Variants in RHPN2 observed in about 807,000 individuals in gnomAD.
The protein encoded by RHPN2 is rhophilin-2.
A neutral mutation model predicts 79.0 loss-of-function variants in RHPN2; 40 were observed. The ratio of observed to expected loss-of-function variants is 0.51; its 90% confidence interval spans 0.39 to 0.66. The LOEUF is 0.66. Among genes scored for constraint, RHPN2 ranks in the 30% least tolerant of loss-of-function variants. The pLI, the probability that RHPN2 is intolerant of heterozygous loss-of-function variation, is 0.00. For missense variants in RHPN2, 686 were observed against 883.5 expected, an observed-to-expected ratio of 0.78 and a Z score of 2.83; for synonymous variants, 285 against 363.5, an observed-to-expected ratio of 0.78 and a Z score of 2.46.
intron 1 of RHPN2, among the ~76,000 whole-genome samples, chr19:33,058,210 C>T (rs1711676559): frequency 6.6e-6 from 1 of 152,156 alleles, no homozygotes; most frequent in African/African-American, 2.4e-5. Flanking sequence ...TGGCCGGAGC[C>T]ATCCCAACAA....
At chr19:33,028,524 A>T (rs2145251539) in intron 2 of RHPN2, among the ~76,000 whole-genome samples, 1 of 152,342 alleles carries the variant, frequency 6.6e-6, no homozygotes, top group Admixed American at 6.5e-5. Flanking sequence ...TCACAATAGC[A>T]TCAAAAAGAA....
At chr19:33,019,642 T>C (rs1405403172) in intron 4 of RHPN2, among the ~76,000 whole-genome samples, 1 of 151,860 alleles carries the variant, frequency 6.6e-6, no homozygotes, top group Non-Finnish European at 1.5e-5. Flanking sequence ...CACACGCCTA[T>C]AGTACCAGCT....
At chr19:33,057,948 T>C (rs191334329) in intron 1 of RHPN2, among the ~76,000 whole-genome samples, 4 of 151,810 alleles carry the variant, frequency 2.6e-5, no homozygotes, top group African/African-American at 9.7e-5. Flanking sequence ...TCACTTGAGG[T>C]CAGGAGTTCA....
intron 14 of RHPN2, 73 bp from the exon 15 acceptor site, chr19:32,980,329 C>T: frequency 6.3e-7 from 1 of 1,579,232 alleles, no homozygotes. Context: ...GAAGTTTGGC[C>T]AGGCGCGGTG....
chr19:32,991,675 C>G, intron 13 of RHPN2, 148 bp downstream of exon 13: 2 of 945,144 alleles, frequency 2.1e-6, no homozygotes, highest in Non-Finnish European at 3.3e-6. Context: ...AAAAGAAAGA[C>G]AGTAAAAATT....
intron 1 of RHPN2, among the ~76,000 whole-genome samples, chr19:33,054,674 C>T (rs969060303): frequency 3.0e-4 from 45 of 152,224 alleles, no homozygotes; most frequent in African/African-American, 1.0e-3. Context: ...AGACACCCAG[C>T]CTCTGGCTGA....
At chr19:33,064,501 C>T (rs1303668292) in intron 1 of RHPN2, among the ~76,000 whole-genome samples, 1 of 152,134 alleles carries the variant, frequency 6.6e-6, no homozygotes, top group Non-Finnish European at 1.5e-5. Context: ...GGGGGGAGAC[C>T]CAAGCACCCC....
chr19:33,011,752 A>G lies in RHPN2; in HGVS notation c.520T>C (p.Tyr174His). ...TCGACAAAGCCCAGCTGGATGAAGT[A>G]TGTCATCAGCAGTTCCACCCCGGCC... ...DEAGVELLMT[Y>H]FIQLGFVESR... Residue 174 changes from tyrosine to histidine, a missense_variant, in exon 6 of 15, where the codon TAC (tyrosine) becomes CAC (histidine). Coordinates refer to ENST00000254260, the MANE Select transcript of RHPN2 (RefSeq NM_033103.5). 1 of 1,613,960 alleles carries G rather than the reference A, an allele frequency of 6.2e-7. No homozygotes were observed. Among genetic ancestry groups the G allele is most frequent in the Non-Finnish European group, 8.5e-7 (1 of 1,179,862 alleles).
chr19:32,998,282 G>A (rs886637011), intron 10 of RHPN2, among the ~76,000 whole-genome samples: 1 of 152,164 alleles, frequency 6.6e-6, no homozygotes, highest in African/African-American at 2.4e-5. Context: ...GGATTAAAGT[G>A]GCCAGATTTG....
intron 1 of RHPN2, among the ~76,000 whole-genome samples, chr19:33,048,725 C>CAAAAAAAAAA (rs58396784): frequency 0.097 from 6,025 of 62,422 alleles, 896 homozygotes; most frequent in South Asian, 0.21. Context: ...GACTCAGTCT[C>CAAAAAAAAAA]AAAAAAAAAA....
In RHPN2 at chr19:33,002,926, G is replaced by C; in HGVS notation, c.835C>G (p.Leu279Val). 2 of 1,613,966 alleles carry C rather than the reference G, an allele frequency of 1.2e-6. No homozygotes were observed. The highest frequency in any genetic ancestry group is 1.7e-6 in the Non-Finnish European group (2 of 1,179,864). The change falls in exon 8 of 15, where the codon CTC becomes GTC. Residue 279 changes from leucine to valine, a missense_variant. By Grantham distance (32) the Leu-to-Val change is conservative (BLOSUM62 1). Transcript: ENST00000254260. ...GCTTGTGCAAGCATCATTTTGACGA[G>C]CACGCTGAGCATGGCAGGGCTCATG... is the stretch of plus-strand genomic sequence containing the variant. ...YDMSPAMLSV[L>V]VKMMLAQAQE... is the part of the protein sequence containing the mutation.
intron 2 of RHPN2, among the ~76,000 whole-genome samples, chr19:33,030,908 A>G (rs1356316780): frequency 6.6e-6 from 1 of 152,186 alleles, no homozygotes; most frequent in Admixed American, 6.6e-5. Context: ...CCAGTCACAC[A>G]TCCTGGGAGA....
At chr19:33,037,145 C>G (rs746451724) in intron 2 of RHPN2, among the ~76,000 whole-genome samples, 9 of 152,284 alleles carry the variant, frequency 5.9e-5, no homozygotes, top group African/African-American at 1.9e-4. Context: ...GTATCTAGCT[C>G]AAGGTTTGTA....
At chr19:33,007,964 C>T (rs922873523) in intron 7 of RHPN2, 50 bp downstream of exon 7, 22 of 1,605,390 alleles carry the variant, frequency 1.4e-5, no homozygotes, top group Admixed American at 1.7e-5. Flanking sequence ...TCCCCTGGTG[C>T]CACCGGGTGG....
At chr19:33,043,620 C>T (rs755361024) in intron 2 of RHPN2, among the ~76,000 whole-genome samples, 1 of 152,188 alleles carries the variant, frequency 6.6e-6, no homozygotes, top group African/African-American at 2.4e-5. Flanking sequence ...GAAGAAGAAA[C>T]TCTGCACTCT....
intron 2 of RHPN2, among the ~76,000 whole-genome samples, chr19:33,042,219 C>T (rs1039262687): frequency 4.0e-5 from 6 of 151,022 alleles, no homozygotes; most frequent in Non-Finnish European, 8.8e-5. Context: ...TCAATGAATC[C>T]ATGAATAGGT....
intron 2 of RHPN2, among the ~76,000 whole-genome samples, chr19:33,028,156 C>CTTTT (rs36036417): frequency 7.0e-6 from 1 of 142,050 alleles, no homozygotes; most frequent in Non-Finnish European, 1.5e-5. Flanking sequence ...AAAATCAATT[C>CTTTT]TTTTTTTTTT....
At chr19:33,059,424 G>A (rs569381086) in intron 1 of RHPN2, among the ~76,000 whole-genome samples, 85 of 150,966 alleles carry the variant, frequency 5.6e-4, no homozygotes, top group African/African-American at 1.8e-3. Context: ...TCAGCCTCCC[G>A]AGTAGCTGGG....
In RHPN2 at chr19:33,056,060, A is replaced by C. The variant is rs530440582; in HGVS notation, c.69+8724T>G. Among the ~76,000 whole-genome samples the C allele has an allele frequency of 1.7e-3, 254 of 150,778 alleles. 1 individual carries two copies. Among genetic ancestry groups the C allele is most frequent in the African/African-American group, 6.0e-3 (248 of 41,168 alleles). On this transcript the variant is annotated intron_variant, in intron 1 of 14. Transcript: ENST00000254260. ...TGGGCCTTTCAATGGCCCTGGGGAA[A>C]GGCTTTCTCTAGTTTGTTTCCAGCT...
Sources: allele counts gnomAD v4.1 joint callset (sites outside exome capture counted in the v4.1 genomes callset), GRCh38; gene constraint gnomAD v4.1.1; transcripts MANE v1.5; gene names NCBI Gene and HGNC (gene_info 2026-07-23, HGNC 2026-07-21).